CNTN5: variants seen among roughly 807,000 people sequenced by gnomAD.
CNTN5 encodes contactin 5.
In CNTN5, 77 loss-of-function variants were observed where a neutral mutation model predicts 129.1. The ratio of observed to expected loss-of-function variants is 0.60; its 90% CI spans 0.50 to 0.72. The LOEUF (loss-of-function observed/expected upper bound fraction) is 0.72. Among genes scored for constraint, CNTN5 ranks in the 30% least tolerant of loss-of-function variants. CNTN5 has a pLI of 0.00. For missense variants in CNTN5, 1,478 were observed against 1,328.8 expected, an observed-to-expected ratio of 1.11 and a Z score of -1.75; for synonymous variants, 509 against 465.6, an observed-to-expected ratio of 1.09 and a Z score of -1.20.
At chr11:99,781,941 A>C (rs377084535) in intron 3 of CNTN5, among the ~76,000 whole-genome samples, 13 of 151,694 alleles carry the variant, frequency 8.6e-5, no homozygotes, top group Admixed American at 7.2e-4. Context: ...CTCTCTCACC[A>C]CTCCTATTCA....
At chr11:99,141,667 G>A (rs1859522573) in intron 1 of CNTN5, among the ~76,000 whole-genome samples, 3 of 152,072 alleles carry the variant, frequency 2.0e-5, no homozygotes, top group African/African-American at 7.2e-5. Flanking sequence ...CTGCTTTCCT[G>A]TGTCGCAGAG....
chr11:100,258,514 A>G (rs1053096279), intron 17 of CNTN5, among the ~76,000 whole-genome samples: 6 of 152,234 alleles, frequency 3.9e-5, no homozygotes, highest in Admixed American at 3.9e-4. Context: ...AAATGAAGGA[A>G]AAAATGTTAT....
intron 6 of CNTN5, among the ~76,000 whole-genome samples, chr11:99,886,073 ATC>A (rs1948894115): frequency 1.3e-5 from 2 of 152,138 alleles, no homozygotes; most frequent in Non-Finnish European, 2.9e-5. Context: ...TTCAAATATA[ATC>A]TCTGATAACT....
intron 6 of CNTN5, among the ~76,000 whole-genome samples, chr11:99,906,511 G>A (rs752793553): frequency 7.2e-5 from 11 of 152,134 alleles, no homozygotes; most frequent in South Asian, 2.1e-4. Flanking sequence ...AGCTGGTGGT[G>A]GATAAGCTTT....
At chr11:100,331,669 G>C (rs748210822) in intron 21 of CNTN5, among the ~76,000 whole-genome samples, 1 of 151,988 alleles carries the variant, frequency 6.6e-6, no homozygotes, top group South Asian at 2.1e-4. Context: ...TTGGAGATGA[G>C]TTCAAAAAGG....
intron 13 of CNTN5, among the ~76,000 whole-genome samples, chr11:100,169,247 C>T (rs1056324191): frequency 1.3e-5 from 2 of 152,056 alleles, no homozygotes; most frequent in East Asian, 1.9e-4. Flanking sequence ...TTGAGAGAAG[C>T]TCTGTTGGGT....
chr11:100,071,567 A>G (rs1364781974), intron 11 of CNTN5, 138 bp from the exon 12 acceptor site: 8 of 511,502 alleles, frequency 1.6e-5, no homozygotes, highest in Non-Finnish European at 2.7e-5. Context: ...TGAACAGTAC[A>G]TTTACATTGC....
intron 3 of CNTN5, among the ~76,000 whole-genome samples, chr11:99,559,440 C>A (rs907213019): frequency 7.9e-5 from 12 of 152,188 alleles, no homozygotes; most frequent in Middle Eastern, 3.4e-3. Flanking sequence ...TGGCATCTTT[C>A]ACAAGAACAG....
intron 2 of CNTN5, among the ~76,000 whole-genome samples, chr11:99,501,087 A>G (rs1946411892): frequency 2.6e-5 from 4 of 152,114 alleles, no homozygotes. Context: ...TATGTGTTCT[A>G]TTTGTAAGAG....
intron 1 of CNTN5, among the ~76,000 whole-genome samples, chr11:99,190,193 C>T (rs1858565791): frequency 6.6e-6 from 1 of 151,622 alleles, no homozygotes; most frequent in Admixed American, 6.6e-5. Flanking sequence ...TGTCAAAAAT[C>T]AATTGCCCAT....
chr11:99,742,256 T>C (rs1269021776), intron 3 of CNTN5, among the ~76,000 whole-genome samples: 1 of 152,134 alleles, frequency 6.6e-6, no homozygotes, highest in Non-Finnish European at 1.5e-5. Context: ...CTGTGTTCTC[T>C]CCTGCAAAAA....
intron 13 of CNTN5, among the ~76,000 whole-genome samples, chr11:100,178,218 GTTA>G (rs1210574196): frequency 6.6e-6 from 1 of 151,998 alleles, no homozygotes; most frequent in Admixed American, 6.6e-5. Flanking sequence ...CTCTCCAAAC[GTTA>G]TTAACTCGTT....
At chr11:99,799,063 T>C (rs757728728) in intron 3 of CNTN5, among the ~76,000 whole-genome samples, 3 of 152,092 alleles carry the variant, frequency 2.0e-5, no homozygotes, top group Non-Finnish European at 4.4e-5. Context: ...TGGTCTTAGC[T>C]TGACTGTTAT....
chr11:99,228,184 CT>C (rs1860792489), intron 1 of CNTN5, among the ~76,000 whole-genome samples: 1 of 151,968 alleles, frequency 6.6e-6, no homozygotes, highest in African/African-American at 2.4e-5. Context: ...AATATGTGAA[CT>C]TTTGAGATAT....
chr11:100,204,111 T>C (rs1948854111), intron 15 of CNTN5, among the ~76,000 whole-genome samples: 1 of 150,746 alleles, frequency 6.6e-6, no homozygotes, highest in African/African-American at 2.4e-5. Flanking sequence ...TTTTTTTTCC[T>C]CTTCTAGTCT....
intron 3 of CNTN5, among the ~76,000 whole-genome samples, chr11:99,748,974 T>C (rs1168587335): frequency 3.3e-5 from 5 of 152,204 alleles, no homozygotes; most frequent in Non-Finnish European, 7.3e-5. Context: ...GTCTCCTTAC[T>C]CATTATTGGT....
intron 1 of CNTN5, among the ~76,000 whole-genome samples, chr11:99,127,777 CT>C (rs1858718469): frequency 6.6e-6 from 1 of 152,128 alleles, no homozygotes; most frequent in East Asian, 1.9e-4. Context: ...CAAAGCATTC[CT>C]TGACCTTTAG....
At position 99,710,561 on chromosome 11, in the gene CNTN5, GTGTGCA is replaced by G. The variant is rs1419894643; in HGVS notation, c.56-108978_56-108973del. Reference sequence around the variant, plus strand: ...CCTGCTCTAGATTGTGTGTGTGTGTGTGTGCATGTGTGTGTGTGTGTGTGTGTGTGT... The same window carrying G: ...CCTGCTCTAGATTGTGTGTGTGTGTGTGTGTGTGTGTGTGTGTGTGTGTGT... On this transcript the variant is annotated intron_variant, in intron 3 of 24. Transcript: ENST00000524871. Among the ~76,000 whole-genome samples, 163 of 118,986 alleles carry G rather than the reference GTGTGCA, an allele frequency of 1.4e-3. 1 individual carries two copies. The highest frequency in any genetic ancestry group is 3.5e-3 in the Admixed American group (34 of 9,718). 78.1% of individuals were successfully genotyped at this position (118,986 alleles called of 152,430 possible).
chr11:100,237,016 C>T (rs1008699097), intron 16 of CNTN5, among the ~76,000 whole-genome samples: 2 of 151,682 alleles, frequency 1.3e-5, no homozygotes, highest in Non-Finnish European at 2.9e-5. Context: ...AGTGAAACCC[C>T]GTCTCTACTA....
Sources: allele counts gnomAD v4.1 joint callset (sites outside exome capture counted in the v4.1 genomes callset), GRCh38; gene constraint gnomAD v4.1.1; transcripts MANE v1.5; gene names NCBI Gene and HGNC (gene_info 2026-07-23, HGNC 2026-07-21).